ME1: variants seen among roughly 807,000 people sequenced by gnomAD.
The protein encoded by ME1 is malic enzyme 1.
ME1 carries 74 observed loss-of-function variants against 66.4 expected under a neutral mutation model. That is an observed-to-expected ratio of 1.11 (90% confidence interval 0.92 to 1.35). The LOEUF (loss-of-function observed/expected upper bound fraction) is 1.35. Ranked by LOEUF, ME1 falls within the 40% of genes most tolerant of loss-of-function variation. The probability of loss-of-function intolerance (pLI) is 0.00; values close to 1 mark genes in which losing one functional copy is unlikely to be tolerated. For missense variants in ME1, 750 were observed against 694.1 expected (o/e 1.08, Z -0.90); for synonymous variants, 251 against 235.6 (o/e 1.07, Z -0.60).
In ME1 at chr6:83,406,241, T is replaced by C. The variant is rs1018572315; in HGVS notation, c.212+1527A>G. Reference sequence around the variant, plus strand: ...CTGGATTCGGTTTGCAAGTATTTTATTGAGGATTTTCACATCGATGTTCAT... The same window carrying C: ...CTGGATTCGGTTTGCAAGTATTTTACTGAGGATTTTCACATCGATGTTCAT... On this transcript the variant is annotated intron_variant, in intron 2 of 13. Transcript: ENST00000369705. Among the ~76,000 whole-genome samples the C allele has an allele frequency of 5.3e-5, 8 of 152,224 alleles. No individual in the cohort carries two copies. In the East Asian group the frequency reaches 5.8e-4, roughly 11 times the overall value.
intron 1 of ME1, among the ~76,000 whole-genome samples, chr6:83,424,191 T>C (rs1770325056): frequency 6.6e-6 from 1 of 151,994 alleles, no homozygotes; most frequent in Admixed American, 6.6e-5. Context: ...ATATAATACA[T>C]ATAACTACAA....
intron 11 of ME1, 74 bp downstream of exon 11, chr6:83,227,261 C>T (rs1245907974): frequency 2.8e-6 from 3 of 1,058,194 alleles, no homozygotes; most frequent in South Asian, 6.2e-5. Flanking sequence ...ACAGTAAGCA[C>T]CTTAGATATC....
chr6:83,397,510 A>C (rs1451837143), intron 3 of ME1, among the ~76,000 whole-genome samples: 2 of 152,214 alleles, frequency 1.3e-5, no homozygotes, highest in Non-Finnish European at 2.9e-5. Flanking sequence ...GGAAACTCTT[A>C]TTCACTGTTC....
intron 3 of ME1, among the ~76,000 whole-genome samples, chr6:83,369,066 T>C (rs1769148679): frequency 6.6e-6 from 1 of 152,170 alleles, no homozygotes; most frequent in Non-Finnish European, 1.5e-5. Context: ...AGAATGTGAC[T>C]TTTAAAATAA....
intron 9 of ME1, among the ~76,000 whole-genome samples, chr6:83,237,351 A>AAAAG (rs374053623): frequency 0.012 from 1,431 of 117,210 alleles, 33 homozygotes; most frequent in East Asian, 0.035. Context: ...GAAAGAAAGA[A>AAAAG]AAAGAAAGAA....
intron 6 of ME1, among the ~76,000 whole-genome samples, chr6:83,276,040 A>G (rs1273542654): frequency 6.6e-6 from 1 of 151,322 alleles, no homozygotes; most frequent in Non-Finnish European, 1.5e-5. Flanking sequence ...GAACTGCTGG[A>G]ATTATAGGTG....
intron 1 of ME1, among the ~76,000 whole-genome samples, chr6:83,420,357 T>G (rs756929217): frequency 4.6e-5 from 7 of 152,152 alleles, no homozygotes; most frequent in Admixed American, 2.6e-4. Context: ...CATAAGCCAC[T>G]GCGCCCAGTC....
At chr6:83,428,948 A>G (rs1770428155) in intron 1 of ME1, among the ~76,000 whole-genome samples, 1 of 152,228 alleles carries the variant, frequency 6.6e-6, no homozygotes, top group South Asian at 2.1e-4. Flanking sequence ...CCTTGTGAAC[A>G]GGAGTCACAA....
Position 83,431,007 on chromosome 6 carries a change from G to A in ME1, c.-53C>T, listed in dbSNP as rs4706997. 6,066 of 1,226,864 alleles carry A rather than the reference G, an allele frequency of 4.9e-3. 154 individuals carry two copies. The East Asian group carries it at 0.055, about 11-fold the overall frequency. The allele number at this position is 1,226,864 out of a possible 1,614,324, so 76.0% of individuals were successfully genotyped here. A position where few individuals can be genotyped will look rare whatever the true frequency, so the allele number is the denominator to read the frequency against. On this transcript the variant is annotated 5_prime_UTR_variant, in exon 1 of 14. Transcript: ENST00000369705. ...CAGGCCGGGGCGGGCCGCACGCGCG[G>A]TGCAGGCGGCGGATGCTGCTGGGGT...
chr6:83,419,721 T>C (rs1258327168), intron 1 of ME1, among the ~76,000 whole-genome samples: 1 of 152,234 alleles, frequency 6.6e-6, no homozygotes, highest in Non-Finnish European at 1.5e-5. Context: ...GAATATTACA[T>C]TCATATTTAA....
intron 3 of ME1, among the ~76,000 whole-genome samples, chr6:83,359,528 A>AGGG (rs989920789): frequency 6.6e-6 from 1 of 152,184 alleles, no homozygotes; most frequent in African/African-American, 2.4e-5. Context: ...GTTGCAGCTC[A>AGGG]GGGGGTTACA....
At chr6:83,254,595 T>G (rs1041513025) in intron 6 of ME1, among the ~76,000 whole-genome samples, 4 of 152,172 alleles carry the variant, frequency 2.6e-5, no homozygotes, top group African/African-American at 9.6e-5. Flanking sequence ...CTAAAATCAA[T>G]GGTAGAGAGA....
At chr6:83,344,278 CCTAT>C (rs975556131) in intron 5 of ME1, among the ~76,000 whole-genome samples, 2 of 143,108 alleles carry the variant, frequency 1.4e-5, no homozygotes, top group Non-Finnish European at 3.0e-5. Context: ...AGTGCAACAT[CCTAT>C]CTCTTACAAA....
At chr6:83,240,837 T>C (rs1165186562) in intron 7 of ME1, among the ~76,000 whole-genome samples, 2 of 152,126 alleles carry the variant, frequency 1.3e-5, no homozygotes, top group African/African-American at 2.4e-5. Flanking sequence ...TCTTGTATAA[T>C]TAGGTAGCCG....
intron 5 of ME1, among the ~76,000 whole-genome samples, chr6:83,330,943 G>A (rs1472589619): frequency 6.6e-6 from 1 of 152,146 alleles, no homozygotes; most frequent in Non-Finnish European, 1.5e-5. Flanking sequence ...ATGATGACTG[G>A]TATTCATTCC....
intron 10 of ME1, among the ~76,000 whole-genome samples, chr6:83,227,804 G>C (rs117561952): frequency 0.012 from 1,796 of 152,244 alleles, 18 homozygotes; most frequent in South Asian, 0.027. Flanking sequence ...GCAATTCTAT[G>C]AGTATATTTC....
chr6:83,420,915 TG>T (rs1230296689), intron 1 of ME1, among the ~76,000 whole-genome samples: 1 of 152,140 alleles, frequency 6.6e-6, no homozygotes, highest in Admixed American at 6.5e-5. Context: ...TTTTGTTTTT[TG>T]TTTTTTTGTT....
At chr6:83,279,085 A>AT (rs1767242876) in intron 6 of ME1, among the ~76,000 whole-genome samples, 1 of 152,218 alleles carries the variant, frequency 6.6e-6, no homozygotes, top group African/African-American at 2.4e-5. Context: ...CTCAAAGTCT[A>AT]TTTAAGGAGA....
At chr6:83,306,668 A>G (rs974455014) in intron 6 of ME1, among the ~76,000 whole-genome samples, 2 of 152,114 alleles carry the variant, frequency 1.3e-5, no homozygotes, top group Admixed American at 6.6e-5. Context: ...CCTTTACTTC[A>G]GATATATGCC....
Sources: gnomAD v4.1 joint callset for allele counts (sites outside exome capture counted in the v4.1 genomes callset) on GRCh38, gnomAD v4.1.1 for gene constraint, MANE v1.5 for transcripts, NCBI Gene and HGNC (gene_info 2026-07-23, HGNC 2026-07-21) for gene names.